Variants in SDK1 observed in about 807,000 individuals in gnomAD.
The protein encoded by SDK1 is protein sidekick-1.
SDK1 carries 157 observed loss-of-function variants against 245.5 expected under a neutral mutation model. The ratio of observed to expected loss-of-function variants is 0.64; its 90% CI spans 0.56 to 0.73. The LOEUF (loss-of-function observed/expected upper bound fraction) is 0.73, where lower values mean the gene tolerates loss of function less well. Among genes scored for constraint, SDK1 ranks in the 30% least tolerant of loss-of-function variants. SDK1 has a pLI of 0.00. For synonymous variants in SDK1, 1,647 were observed against 1,278.5 expected, an observed-to-expected ratio of 1.29 and a Z score of -6.15; for missense variants, 3,583 against 3,002.3, an observed-to-expected ratio of 1.19 and a Z score of -4.52.
At chr7:3,699,243 C>G (rs1264029495) in intron 4 of SDK1, among the ~76,000 whole-genome samples, 1 of 152,034 alleles carries the variant, frequency 6.6e-6, no homozygotes, top group African/African-American at 2.4e-5. Context: ...TAACAAGAAC[C>G]AAGAATATCT....
At chr7:3,418,408 C>T (rs1779439937) in intron 1 of SDK1, among the ~76,000 whole-genome samples, 3 of 152,162 alleles carry the variant, frequency 2.0e-5, no homozygotes, top group Non-Finnish European at 2.9e-5. Context: ...CAAAGAGTCA[C>T]TGGCAGGTGG....
chr7:3,645,249 A>C (rs1782792416), intron 4 of SDK1, among the ~76,000 whole-genome samples: 1 of 152,246 alleles, frequency 6.6e-6, no homozygotes, highest in African/African-American at 2.4e-5. Context: ...AATATCAAAC[A>C]AATGGTCTGC....
chr7:4,009,869 A>G (rs1354574861), intron 14 of SDK1, among the ~76,000 whole-genome samples: 3 of 152,198 alleles, frequency 2.0e-5, no homozygotes, highest in Non-Finnish European at 4.4e-5. Context: ...GCTGGAGTGC[A>G]TTTCCAATGA....
rs777042716 is a variant in SDK1 at position 4,149,362 on chromosome 7, C to T, written c.4524C>T (p.Pro1508=). 12 of 1,592,968 alleles carry T rather than the reference C, an allele frequency of 7.5e-6. No individual in the cohort carries two copies. The highest frequency in any genetic ancestry group is 3.3e-4 in the Middle Eastern group (2 of 6,012). Reference sequence around the variant, plus strand: ...TCCCGGGCAGCGACGGGGCCTCCCCCATCCGGTACTTCACCATGCAGGTGC... The same window carrying T: ...TCCCGGGCAGCGACGGGGCCTCCCCTATCCGGTACTTCACCATGCAGGTGC... ...QWVPGSDGAS[P]IRYFTMQVRE... The change falls in exon 30 of 45, where the codon CCC becomes CCT. Residue 1508 remains proline, a synonymous_variant. Coordinates refer to ENST00000404826, the MANE Select transcript of SDK1 (RefSeq NM_152744.4).
At chr7:3,806,655 C>G (rs149068974) in intron 4 of SDK1, among the ~76,000 whole-genome samples, 1 of 151,690 alleles carries the variant, frequency 6.6e-6, no homozygotes, top group Non-Finnish European at 1.5e-5. Flanking sequence ...AGAAATGTGA[C>G]GAGGACTAAG....
chr7:3,580,747 G>A (rs1780453057), intron 1 of SDK1, among the ~76,000 whole-genome samples: 1 of 151,944 alleles, frequency 6.6e-6, no homozygotes, highest in Non-Finnish European at 1.5e-5. Context: ...GGCAGGCGGA[G>A]CATGAGGTCA....
At chr7:3,681,670 T>A (rs533454676) in intron 4 of SDK1, among the ~76,000 whole-genome samples, 17 of 152,286 alleles carry the variant, frequency 1.1e-4, no homozygotes, top group Non-Finnish European at 1.0e-4. Context: ...GCTTTTTTTT[T>A]ATATTTTTAT....
chr7:3,990,904 G>C (rs1449372744), intron 14 of SDK1, among the ~76,000 whole-genome samples: 1 of 152,216 alleles, frequency 6.6e-6, no homozygotes, highest in Non-Finnish European at 1.5e-5. Flanking sequence ...CAGTTAGCTT[G>C]CCTCCATGAG....
At chr7:3,692,061 G>C (rs533659414) in intron 4 of SDK1, among the ~76,000 whole-genome samples, 1 of 152,226 alleles carries the variant, frequency 6.6e-6, no homozygotes, top group African/African-American at 2.4e-5. Context: ...CTGTGAGCAA[G>C]ACGGTTATGC....
chr7:3,792,202 C>T (rs1583418284), intron 4 of SDK1, among the ~76,000 whole-genome samples: 1 of 152,092 alleles, frequency 6.6e-6, no homozygotes, highest in African/African-American at 2.4e-5. Context: ...TGCCTGGCTC[C>T]AGACCATTCC....
At chr7:3,870,454 A>C (rs560230271) in intron 5 of SDK1, among the ~76,000 whole-genome samples, 164 of 152,226 alleles carry the variant, frequency 1.1e-3, no homozygotes, top group Non-Finnish European at 2.4e-4. Context: ...TTTTAAAGTA[A>C]ATAGTTTTTA....
chr7:3,644,066 C>A (rs1340843841), intron 4 of SDK1, among the ~76,000 whole-genome samples: 1 of 150,878 alleles, frequency 6.6e-6, no homozygotes, highest in East Asian at 2.0e-4. Context: ...CCATCCCCGG[C>A]TAATTTTTGT....
chr7:3,753,234 A>G (rs1779824536), intron 4 of SDK1, among the ~76,000 whole-genome samples: 1 of 152,322 alleles, frequency 6.6e-6, no homozygotes. Flanking sequence ...TAAAAATTAT[A>G]AACCCTCTTC....
chr7:3,476,610 G>C (rs1429051709), intron 1 of SDK1, among the ~76,000 whole-genome samples: 1 of 152,040 alleles, frequency 6.6e-6, no homozygotes, highest in Admixed American at 6.5e-5. Flanking sequence ...ATTGTTTTTT[G>C]ATTCTGTTAA....
chr7:3,958,522 T>G (rs1781435203), intron 7 of SDK1, among the ~76,000 whole-genome samples: 1 of 152,244 alleles, frequency 6.6e-6, no homozygotes, highest in Admixed American at 6.5e-5. Flanking sequence ...AATAGGCTGT[T>G]GCCCAATACA....
intron 20 of SDK1, among the ~76,000 whole-genome samples, chr7:4,073,638 C>A (rs1313831773): frequency 5.3e-5 from 8 of 151,990 alleles, no homozygotes; most frequent in African/African-American, 1.9e-4. Context: ...CAGAGTAGAC[C>A]CCGAGGATCA....
At chr7:3,309,191 T>A (rs899663279) in intron 1 of SDK1, among the ~76,000 whole-genome samples, 4 of 152,104 alleles carry the variant, frequency 2.6e-5, no homozygotes, top group African/African-American at 9.7e-5. Flanking sequence ...AAAGTGAAGG[T>A]CAGTTTTGTC....
In SDK1 at chr7:4,268,135, C is replaced by T. The variant is rs3823688; in HGVS notation, c.*2751C>T. 32 of 985,770 alleles carry T rather than the reference C, an allele frequency of 3.2e-5. No homozygotes were observed. Among genetic ancestry groups the T allele is most frequent in the Non-Finnish European group, 3.7e-5 (31 of 830,268 alleles). 61.1% of individuals were successfully genotyped at this position (985,770 alleles called of 1,614,324 possible). ...CTCTCCTGCCGTGCTGAAAGTCATG[C>T]CTTGCGGATGCCTCATGACAGCAGT... On this transcript the variant is annotated 3_prime_UTR_variant, in exon 45 of 45. Coordinates refer to ENST00000404826, the MANE Select transcript of SDK1 (RefSeq NM_152744.4).
chr7:4,230,421 A>C (rs1785684742), intron 40 of SDK1, among the ~76,000 whole-genome samples: 1 of 110,094 alleles, frequency 9.1e-6, no homozygotes, highest in African/African-American at 3.5e-5. Flanking sequence ...AGGGGAGGAA[A>C]GGGAAGGGAA....
Sources: gnomAD v4.1 joint callset for allele counts (sites outside exome capture counted in the v4.1 genomes callset) on GRCh38, gnomAD v4.1.1 for gene constraint, MANE v1.5 for transcripts, NCBI Gene and HGNC (gene_info 2026-07-23, HGNC 2026-07-21) for gene names.